Variants in SGF29 observed in about 807,000 individuals in gnomAD.
SGF29 encodes SAGA complex associated factor 29, also known as SAGA-associated factor 29.
Under a neutral mutation model 38.1 loss-of-function variants are expected in SGF29, and 15 were observed. The ratio of observed to expected loss-of-function variants is 0.39; its 90% CI spans 0.26 to 0.61. The LOEUF (loss-of-function observed/expected upper bound fraction) is 0.61. Among genes scored for constraint, SGF29 ranks in the 20% least tolerant of loss-of-function variants. The pLI is 0.49. For synonymous variants in SGF29, 151 were observed against 160.8 expected, an observed-to-expected ratio of 0.94 and a Z score of 0.46; for missense variants, 184 against 394.6, an observed-to-expected ratio of 0.47 and a Z score of 4.52.
chr16:28,578,597 G>A (rs2046907802), intron 1 of SGF29, among the ~76,000 whole-genome samples: 1 of 151,694 alleles, frequency 6.6e-6, no homozygotes, highest in African/African-American at 2.4e-5. Context: ...CGAGAGGTTC[G>A]CAGTTGATTA....
chr16:28,579,222 A>G (rs899465445), intron 1 of SGF29, among the ~76,000 whole-genome samples: 1 of 143,916 alleles, frequency 6.9e-6, no homozygotes, highest in Non-Finnish European at 1.5e-5. Flanking sequence ...ACTCTTGATT[A>G]CTTTTGGTTG....
intron 1 of SGF29, among the ~76,000 whole-genome samples, chr16:28,564,321 T>G (rs2046807441): frequency 6.6e-6 from 1 of 151,172 alleles, no homozygotes; most frequent in African/African-American, 2.4e-5. Context: ...TGACACTGAT[T>G]TGGAAGTTTA....
At chr16:28,579,180 CAT>C (rs1237620703) in intron 1 of SGF29, among the ~76,000 whole-genome samples, 1 of 151,688 alleles carries the variant, frequency 6.6e-6, no homozygotes, top group African/African-American at 2.4e-5. Context: ...TATCTTGAGG[CAT>C]ATGTCTATTT....
At position 28,590,905 on chromosome 16, in the gene SGF29, C is replaced by T; in HGVS notation, c.735C>T (p.Tyr245=). 6.2e-7 allele frequency: 1 copy of T among 1,612,784 alleles called. No homozygotes were observed. The highest frequency in any genetic ancestry group is 1.1e-5 in the South Asian group (1 of 90,846). ...TGTATCCCCAGACTACCTGCTTCTACCGCGCCCTGATCCATGCGCCCCCAC... is the reference window on the plus strand; with the variant it reads ...TGTATCCCCAGACTACCTGCTTCTATCGCGCCCTGATCCATGCGCCCCCAC... The part of the protein sequence containing the change: ...LALYPQTTCF[Y]RALIHAPPQR... Residue 245 remains tyrosine (Y), a synonymous_variant, in exon 9 of 10, where the codon TAC becomes TAT. Coordinates refer to ENST00000317058, the MANE Select transcript of SGF29 (RefSeq NM_138414.3). The surrounding 1 kb of genome is among the most constrained non-coding windows in gnomAD (Gnocchi z 8.2).
chr16:28,554,528 C>T (rs1483252004), intron 1 of SGF29, among the ~76,000 whole-genome samples: 1 of 152,138 alleles, frequency 6.6e-6, no homozygotes, highest in Non-Finnish European at 1.5e-5. Flanking sequence ...ACTAACAGCT[C>T]GTCGTTTGCC....
chr16:28,590,493 G>GCTAC lies in SGF29; in HGVS notation c.566+52_566+55dup. On this transcript the variant is annotated intron_variant, in intron 7 of 9. Coordinates refer to ENST00000317058, the MANE Select transcript of SGF29 (RefSeq NM_138414.3). This position sits in a 1 kb window ranked among gnomAD's most constrained non-coding sequence, Gnocchi z 8.2. Reference sequence around the variant, plus strand: ...CTCTCTGGTCACCGAACTTGCCTGGGCTACGGGAGAAAAGCTCTGCAGAGG... The same window carrying GCTAC: ...CTCTCTGGTCACCGAACTTGCCTGGGCTACCTACGGGAGAAAAGCTCTGCAGAGG... 5 of 1,613,752 alleles carry GCTAC rather than the reference G, an allele frequency of 3.1e-6. No homozygotes were observed. Among genetic ancestry groups the GCTAC allele is most frequent in the Non-Finnish European group, 4.2e-6 (5 of 1,179,824 alleles).
chr16:28,580,927 C>A, intron 1 of SGF29, 128 bp from the exon 2 acceptor site: 1 of 689,832 alleles, frequency 1.4e-6, no homozygotes, highest in South Asian at 1.8e-5. Context: ...GCAATCCTCC[C>A]GCCTTGGCCT....
chr16:28,564,764 T>C (rs1292866922), intron 1 of SGF29, among the ~76,000 whole-genome samples: 25 of 62,830 alleles, frequency 4.0e-4, no homozygotes, highest in Admixed American at 6.6e-4. Context: ...TGTATATATG[T>C]ATATATATGT....
At chr16:28,587,974 A>G (rs1349741685) in intron 4 of SGF29, among the ~76,000 whole-genome samples, 1 of 151,888 alleles carries the variant, frequency 6.6e-6, no homozygotes, top group Non-Finnish European at 1.5e-5. Context: ...TAATTTTTGT[A>G]TTTTTAGTAG....
intron 1 of SGF29, among the ~76,000 whole-genome samples, chr16:28,574,638 T>A (rs1382259598): frequency 6.6e-6 from 1 of 152,194 alleles, no homozygotes; most frequent in Non-Finnish European, 1.5e-5. Context: ...ATTCCTGCTT[T>A]AGCAGGAGAG....
chr16:28,591,507 C>G, intron 9 of SGF29, 83 bp from the exon 10 acceptor site: 2 of 940,720 alleles, frequency 2.1e-6, no homozygotes, highest in East Asian at 2.4e-5. Context: ...CCCAGAGCCT[C>G]CTGTGGTCTA....
At position 28,553,961 on chromosome 16, in the gene SGF29, G is replaced by A. The variant is rs1251178725; in HGVS notation, c.-152G>A. On this transcript the variant is annotated 5_prime_UTR_variant, in exon 1 of 10. The change creates a new upstream start codon in the 5' untranslated region. Transcript: ENST00000317058. ...CGCTCATAAAAGGAAAAAAAAGCGTGTGCGGTTCTCGACGTGCCGCCAATC... is the reference window on the plus strand; with the variant it reads ...CGCTCATAAAAGGAAAAAAAAGCGTATGCGGTTCTCGACGTGCCGCCAATC... 3 of 152,158 alleles carry A rather than the reference G, an allele frequency of 2.0e-5. No individual in the cohort carries two copies. The highest frequency in any genetic ancestry group is 6.6e-5 in the Admixed American group (1 of 15,262). The allele number at this position is 152,158 out of a possible 1,614,324, so 9.4% of individuals were successfully genotyped here.
At chr16:28,580,995 C>A in intron 1 of SGF29, 60 bp from the exon 2 acceptor site, 1 of 1,258,320 alleles carries the variant, frequency 7.9e-7, no homozygotes, top group Non-Finnish European at 1.1e-6. Flanking sequence ...TTTGAGGGGG[C>A]ACAGTTCAGC....
chr16:28,564,539 G>GTATATATATACGTATATATATATA (rs2046811190), intron 1 of SGF29, among the ~76,000 whole-genome samples: 2 of 89,044 alleles, frequency 2.2e-5, no homozygotes, highest in African/African-American at 7.9e-5. Context: ...ATATATATAT[G>GTATATATATACGTATATATATATA]TATATATATA....
At position 28,589,145 on chromosome 16, in the gene SGF29, G is replaced by T; in HGVS notation, c.270G>T (p.Leu90=). The T allele has an allele frequency of 6.2e-7, 1 of 1,614,198 alleles. No individual in the cohort carries two copies. The highest frequency in any genetic ancestry group is 2.2e-5 in the East Asian group (1 of 44,876). ...ALDKIAEIKS[L]LEERRIAAKI... ...ACAAGATCGCGGAAATCAAGTCTCT[G>T]TTGGAAGAGAGGCGGATTGGTGAGT... The change falls in exon 5 of 10, where the codon CTG becomes CTT. Residue 90 remains leucine, a synonymous_variant. Coordinates refer to ENST00000317058, the MANE Select transcript of SGF29 (RefSeq NM_138414.3).
At position 28,589,166 on chromosome 16, in the gene SGF29, T is replaced by A; in HGVS notation, c.289+2T>A. 1.9e-6 allele frequency: 3 copies of A among 1,613,938 alleles called. No homozygotes were observed. The highest frequency in any genetic ancestry group is 2.5e-6 in the Non-Finnish European group (3 of 1,179,872). On this transcript the variant is annotated splice_donor_variant, in intron 5 of 9. Coordinates refer to ENST00000317058, the MANE Select transcript of SGF29 (RefSeq NM_138414.3). LOFTEE classifies it high-confidence loss of function. ...CTCTGTTGGAAGAGAGGCGGATTGG[T>A]GAGTGGGAGAGAACATGCTGGGAGG...
chr16:28,564,700 T>C (rs1482218205), intron 1 of SGF29, among the ~76,000 whole-genome samples: 9 of 80,866 alleles, frequency 1.1e-4, no homozygotes, highest in African/African-American at 4.0e-4. Flanking sequence ...TATATATGTA[T>C]ATATATACAT....
chr16:28,589,219 C>G, intron 5 of SGF29, 55 bp downstream of exon 5: 1 of 1,592,688 alleles, frequency 6.3e-7, no homozygotes, highest in Non-Finnish European at 8.6e-7. Context: ...AGGAGAGGCC[C>G]TGCGGGCAGC....
chr16:28,564,708 C>T lies in SGF29; in HGVS notation c.-16+10611C>T, dbSNP rs1197756372. ...ATGTGTATATATATGTATATATATA[C>T]ATATATATGTATATATATACATATA... is the stretch of plus-strand genomic sequence containing the variant. On this transcript the variant is annotated intron_variant, in intron 1 of 9. Coordinates refer to ENST00000317058, the MANE Select transcript of SGF29 (RefSeq NM_138414.3). Among the ~76,000 whole-genome samples, 427 of 50,170 alleles carry T rather than the reference C, an allele frequency of 8.5e-3. 14 individuals are homozygous for T. Among genetic ancestry groups the T allele is most frequent in the African/African-American group, 0.02 (358 of 18,044 alleles). The allele number at this position is 50,170 out of a possible 152,430, so 32.9% of individuals were successfully genotyped here.
Sources: allele counts gnomAD v4.1 joint callset (sites outside exome capture counted in the v4.1 genomes callset), GRCh38; gene constraint gnomAD v4.1.1; non-coding constraint Gnocchi (gnomAD v3.1); transcripts MANE v1.5; gene names NCBI Gene and HGNC (gene_info 2026-07-23, HGNC 2026-07-21).